Variants in GAB2 observed in about 807,000 individuals in gnomAD.
GAB2 encodes GRB2 associated binding protein 2, also known as GRB2-associated-binding protein 2.
Under a neutral mutation model 65.5 loss-of-function variants are expected in GAB2, and 26 were observed. That is an observed-to-expected ratio of 0.40 (90% CI 0.29 to 0.55). GAB2 has a LOEUF of 0.55. GAB2 is among the 20% of genes least tolerant of loss of function. The probability of loss-of-function intolerance (pLI) is 0.53; values close to 1 mark genes in which losing one functional copy is unlikely to be tolerated. For missense variants in GAB2, 884 were observed against 875.8 expected, an observed-to-expected ratio of 1.01 and a Z score of -0.12; for synonymous variants, 321 against 329.6, an observed-to-expected ratio of 0.97 and a Z score of 0.28.
intron 3 of GAB2, among the ~76,000 whole-genome samples, chr11:78,234,107 G>A (rs1476655979): frequency 1.3e-5 from 2 of 151,842 alleles, no homozygotes; most frequent in African/African-American, 4.8e-5. Flanking sequence ...TAAATACAGG[G>A]TCTTATTCTG....
At chr11:78,323,889 C>G (rs1284909638) in intron 1 of GAB2, among the ~76,000 whole-genome samples, 2 of 150,976 alleles carry the variant, frequency 1.3e-5, no homozygotes, top group African/African-American at 4.9e-5. Context: ...CCTCCGCCTC[C>G]CGGGTTCAAG....
intron 2 of GAB2, among the ~76,000 whole-genome samples, chr11:78,257,905 C>A (rs774450719): frequency 1.3e-5 from 2 of 151,900 alleles, no homozygotes; most frequent in Non-Finnish European, 2.9e-5. Flanking sequence ...TAGCCTAGAT[C>A]TGAATCAGAT....
chr11:78,382,557 C>A (rs1026821495), intron 1 of GAB2, among the ~76,000 whole-genome samples: 1 of 152,044 alleles, frequency 6.6e-6, no homozygotes. Flanking sequence ...GATACTTACA[C>A]TTTAATGCCT....
chr11:78,365,326 T>C (rs748506507), intron 1 of GAB2, among the ~76,000 whole-genome samples: 3 of 152,210 alleles, frequency 2.0e-5, no homozygotes, highest in Non-Finnish European at 4.4e-5. Context: ...CCTATCAGTG[T>C]CCCTTCTCCT....
intron 3 of GAB2, among the ~76,000 whole-genome samples, chr11:78,244,362 AG>A (rs1865231338): frequency 6.6e-6 from 1 of 151,866 alleles, no homozygotes; most frequent in Admixed American, 6.6e-5. Flanking sequence ...ATTGCACTCC[AG>A]CCTGTACGAC....
At chr11:78,319,960 C>T (rs967092959) in intron 1 of GAB2, among the ~76,000 whole-genome samples, 2 of 151,886 alleles carry the variant, frequency 1.3e-5, no homozygotes. Context: ...ACTGCAACCT[C>T]TGCCTCCTGG....
At chr11:78,411,165 G>A (rs1407776388) in intron 1 of GAB2, among the ~76,000 whole-genome samples, 1 of 150,648 alleles carries the variant, frequency 6.6e-6, no homozygotes, top group African/African-American at 2.4e-5. Flanking sequence ...TGGTTGGGGG[G>A]GGGGATGGTG....
intron 1 of GAB2, among the ~76,000 whole-genome samples, chr11:78,282,110 T>C (rs1866351849): frequency 6.6e-6 from 1 of 152,226 alleles, no homozygotes; most frequent in Non-Finnish European, 1.5e-5. Context: ...AAGCTTTCAA[T>C]ATGTATTACT....
At chr11:78,254,696 G>A (rs1257254845) in intron 2 of GAB2, among the ~76,000 whole-genome samples, 2 of 152,100 alleles carry the variant, frequency 1.3e-5, no homozygotes, top group East Asian at 1.9e-4. Context: ...CTACTTAGGA[G>A]GCTGAGGTGG....
chr11:78,222,771 C>T (rs1977974), intron 6 of GAB2, among the ~76,000 whole-genome samples: 24,262 of 151,962 alleles, frequency 0.16, 2,418 homozygotes, highest in East Asian at 0.4. Flanking sequence ...TTAGTAGAGA[C>T]GGGGTTTCAC....
intron 1 of GAB2, among the ~76,000 whole-genome samples, chr11:78,362,927 A>C (rs1856452667): frequency 6.6e-6 from 1 of 152,208 alleles, no homozygotes; most frequent in South Asian, 2.1e-4. Context: ...ATGTACTTCT[A>C]AAAAGTATGT....
At chr11:78,335,854 C>T (rs1291843333) in intron 1 of GAB2, among the ~76,000 whole-genome samples, 2 of 152,056 alleles carry the variant, frequency 1.3e-5, no homozygotes, top group South Asian at 2.1e-4. Flanking sequence ...TTAATTCTTC[C>T]AATCCATGAG....
intron 1 of GAB2, among the ~76,000 whole-genome samples, chr11:78,367,377 C>T (rs948122474): frequency 6.6e-6 from 1 of 152,164 alleles, no homozygotes; most frequent in African/African-American, 2.4e-5. Context: ...TGTGTGCGTG[C>T]GTGCATGTGA....
At chr11:78,360,553 C>G (rs942727110) in intron 1 of GAB2, among the ~76,000 whole-genome samples, 3 of 152,046 alleles carry the variant, frequency 2.0e-5, no homozygotes, top group African/African-American at 7.2e-5. Context: ...TTAACATAAA[C>G]TCAGTAAAAA....
chr11:78,290,020 G>C (rs184145198), intron 1 of GAB2, among the ~76,000 whole-genome samples: 1 of 152,024 alleles, frequency 6.6e-6, no homozygotes, highest in African/African-American at 2.4e-5. Context: ...TATTTGTAAC[G>C]GGGAGCCATT....
At chr11:78,281,048 G>T (rs1371695294) in intron 1 of GAB2, 147 bp from the exon 2 acceptor site, 3 of 658,532 alleles carry the variant, frequency 4.6e-6, no homozygotes, top group Non-Finnish European at 7.8e-6. Flanking sequence ...TGAACTCCTG[G>T]GCTCAAGCGA....
At chr11:78,314,748 G>C (rs890675299) in intron 1 of GAB2, among the ~76,000 whole-genome samples, 3 of 152,176 alleles carry the variant, frequency 2.0e-5, no homozygotes, top group African/African-American at 7.2e-5. Context: ...TTGCATATGT[G>C]GAATGGTTAT....
At chr11:78,375,046 A>T (rs183370633) in intron 1 of GAB2, among the ~76,000 whole-genome samples, 2 of 152,144 alleles carry the variant, frequency 1.3e-5, no homozygotes, top group African/African-American at 4.8e-5. Context: ...TCGTTTATTT[A>T]TTTTGTATTT....
intron 1 of GAB2, among the ~76,000 whole-genome samples, chr11:78,404,562 G>A (rs1017636166): frequency 3.3e-5 from 5 of 152,182 alleles, no homozygotes; most frequent in African/African-American, 7.2e-5. Flanking sequence ...AATAACAATG[G>A]AATACTATTC....
Sources: allele counts gnomAD v4.1 joint callset (sites outside exome capture counted in the v4.1 genomes callset), GRCh38; gene constraint gnomAD v4.1.1; transcripts MANE v1.5; gene names NCBI Gene and HGNC (gene_info 2026-07-23, HGNC 2026-07-21).